CHRM2: variants seen among roughly 807,000 people sequenced by gnomAD.
CHRM2 encodes the protein cholinergic receptor muscarinic 2, also known as muscarinic acetylcholine receptor M2.
A neutral mutation model predicts 25.0 loss-of-function variants in CHRM2; 8 were observed. That is an observed-to-expected ratio of 0.32 (90% CI 0.19 to 0.58). The LOEUF (loss-of-function observed/expected upper bound fraction) is 0.58, where lower values mean the gene tolerates loss of function less well. Ranked by LOEUF, CHRM2 falls within the 20% of genes least tolerant of loss-of-function variation. The pLI, the probability that CHRM2 is intolerant of heterozygous loss-of-function variation, is 0.88. For missense variants in CHRM2, 440 were observed against 567.1 expected, an observed-to-expected ratio of 0.78 and a Z score of 2.28; for synonymous variants, 202 against 205.7, an observed-to-expected ratio of 0.98 and a Z score of 0.15.
In CHRM2 at chr7:136,879,238, T is replaced by C. The variant is rs1322116572; in HGVS notation, c.-125+9820T>C. 3.9e-5 allele frequency among the ~76,000 whole-genome samples: 6 copies of C among 152,004 alleles called. No homozygotes were observed. In the South Asian group the frequency reaches 1.2e-3, roughly 32 times the overall value. ...AACATATATGTTGCAACATTTCTGT[T>C]GATTAGGAGAACATTAAGTATCAGT... On this transcript the variant is annotated intron_variant, in intron 2 of 3. Coordinates refer to ENST00000680005, the MANE Select transcript of CHRM2 (RefSeq NM_001006630.2).
At chr7:136,996,711 C>T (rs1220251706) in intron 3 of CHRM2, among the ~76,000 whole-genome samples, 2 of 152,034 alleles carry the variant, frequency 1.3e-5, no homozygotes, top group Non-Finnish European at 2.9e-5. Context: ...TAGTATGCCA[C>T]AAAACTAAAT....
intron 3 of CHRM2, among the ~76,000 whole-genome samples, chr7:137,011,217 A>G (rs10232527): frequency 0.5 from 54,503 of 109,122 alleles, 11,112 homozygotes; most frequent in Middle Eastern, 0.54. Context: ...GTGTGTGTGT[A>G]TATATATATA....
intron 2 of CHRM2, among the ~76,000 whole-genome samples, chr7:136,949,487 G>T (rs1584807548): frequency 7.2e-6 from 1 of 139,844 alleles, no homozygotes. Flanking sequence ...AATCAGCCAG[G>T]CATGGTGGTG....
At chr7:136,984,766 T>C (rs981136810) in intron 2 of CHRM2, among the ~76,000 whole-genome samples, 1 of 151,962 alleles carries the variant, frequency 6.6e-6, no homozygotes, top group East Asian at 2.0e-4. Context: ...TTGCCCTCCA[T>C]GGGCTGCATC....
intron 3 of CHRM2, among the ~76,000 whole-genome samples, chr7:137,000,123 T>C (rs1409364520): frequency 6.6e-6 from 1 of 151,952 alleles, no homozygotes; most frequent in East Asian, 1.9e-4. Context: ...AACTATTGCT[T>C]TTAAACCTTT....
intron 2 of CHRM2, among the ~76,000 whole-genome samples, chr7:136,962,516 G>A (rs540104308): frequency 5.9e-5 from 9 of 152,218 alleles, no homozygotes; most frequent in African/African-American, 2.2e-4. Flanking sequence ...TAGACTCTAA[G>A]TAAGAACAGG....
At chr7:136,984,455 G>C (rs1802705863) in intron 2 of CHRM2, among the ~76,000 whole-genome samples, 1 of 151,998 alleles carries the variant, frequency 6.6e-6, no homozygotes, top group Non-Finnish European at 1.5e-5. Context: ...GAACAGTTCT[G>C]TCTCGCTGGC....
At chr7:136,953,284 CTA>C (rs1197977865) in intron 2 of CHRM2, among the ~76,000 whole-genome samples, 2 of 152,102 alleles carry the variant, frequency 1.3e-5, no homozygotes, top group Non-Finnish European at 2.9e-5. Context: ...CCCACTACCC[CTA>C]TGTTACTTGT....
chr7:136,879,683 G>C (rs956547215), intron 2 of CHRM2, among the ~76,000 whole-genome samples: 1 of 151,822 alleles, frequency 6.6e-6, no homozygotes, highest in South Asian at 2.1e-4. Flanking sequence ...CCTCTCCCTC[G>C]CAGTTTGTTA....
At chr7:136,887,781 C>T (rs919447854) in intron 2 of CHRM2, among the ~76,000 whole-genome samples, 1 of 152,120 alleles carries the variant, frequency 6.6e-6, no homozygotes, top group Non-Finnish European at 1.5e-5. Context: ...GCAGTTCCCC[C>T]TTTTGGGAAA....
chr7:136,872,189 GC>G (rs1206973795), intron 2 of CHRM2, among the ~76,000 whole-genome samples: 1 of 152,162 alleles, frequency 6.6e-6, no homozygotes, highest in Non-Finnish European at 1.5e-5. Context: ...AAATAAAGAG[GC>G]ATGTTTGTTT....
intron 3 of CHRM2, among the ~76,000 whole-genome samples, chr7:137,004,432 T>G (rs1804280285): frequency 6.6e-6 from 1 of 152,134 alleles, no homozygotes; most frequent in Admixed American, 6.6e-5. Context: ...TATCTCAGTC[T>G]AAATGGGAGA....
intron 2 of CHRM2, among the ~76,000 whole-genome samples, chr7:136,915,026 G>A (rs1798030406): frequency 6.6e-6 from 1 of 151,876 alleles, no homozygotes; most frequent in Non-Finnish European, 1.5e-5. Flanking sequence ...AGCCCTATAT[G>A]AAGAGTATGA....
chr7:136,939,874 G>T (rs17168815), intron 2 of CHRM2, among the ~76,000 whole-genome samples: 22,098 of 152,082 alleles, frequency 0.15, 1,963 homozygotes, highest in East Asian at 0.37. Context: ...TAAATTCATT[G>T]CCAGTTAAAC....
Position 136,890,629 on chromosome 7 carries a change from G to C in CHRM2, c.-125+21211G>C, listed in dbSNP as rs924761441. The stretch of plus-strand genomic sequence containing the variant: ...GAAACCACCCGCTGAGCTCCAGTGA[G>C]TACTAAAACCCTATCGTGGAGGCTT... On this transcript the variant is annotated intron_variant, in intron 2 of 3. Transcript: ENST00000680005. Among the ~76,000 whole-genome samples, 42 of 152,320 alleles carry C rather than the reference G, an allele frequency of 2.8e-4. No homozygotes were observed. In the Middle Eastern group the frequency reaches 0.01, roughly 37 times the overall value.
At chr7:136,898,883 T>C (rs1240732844) in intron 2 of CHRM2, 1 of 152,088 alleles carries the variant, frequency 6.6e-6, no homozygotes, top group Non-Finnish European at 1.5e-5. Flanking sequence ...ATCTGGTTTC[T>C]AACATAAGAT....
At chr7:136,923,780 G>T (rs59315796) in intron 2 of CHRM2, among the ~76,000 whole-genome samples, 1,961 of 152,216 alleles carry the variant, frequency 0.013, 42 homozygotes, top group African/African-American at 0.044. Context: ...AGGTCTAGGT[G>T]GGAGGATTGT....
intron 3 of CHRM2, among the ~76,000 whole-genome samples, chr7:136,994,399 C>T (rs1803435219): frequency 6.6e-6 from 1 of 151,958 alleles, no homozygotes; most frequent in Admixed American, 6.6e-5. Flanking sequence ...AAAAAATAAA[C>T]TCGCATTTTA....
chr7:136,938,632 G>C (rs1208410354), intron 2 of CHRM2: 1 of 840,448 alleles, frequency 1.2e-6, no homozygotes, highest in African/African-American at 1.7e-5. Context: ...AGCTCGAGGA[G>C]CTCATGCGGG....
Sources: allele counts gnomAD v4.1 joint callset (sites outside exome capture counted in the v4.1 genomes callset), GRCh38; gene constraint gnomAD v4.1.1; transcripts MANE v1.5; gene names NCBI Gene and HGNC (gene_info 2026-07-23, HGNC 2026-07-21).